Variants in HTR5A observed in about 807,000 individuals in gnomAD.
HTR5A encodes the protein 5-HT-5.
Under a neutral mutation model 24.3 loss-of-function variants are expected in HTR5A, and 21 were observed. The ratio of observed to expected loss-of-function variants is 0.86; its 90% CI spans 0.61 to 1.24. HTR5A has a LOEUF of 1.24. Ranked by LOEUF, HTR5A falls within the 50% of genes most tolerant of loss-of-function variation. The pLI is 0.00. For synonymous variants in HTR5A, 260 were observed against 213.7 expected (o/e 1.22, Z -1.89); for missense variants, 497 against 489.5 (o/e 1.02, Z -0.15).
intron 1 of HTR5A, among the ~76,000 whole-genome samples, chr7:155,081,001 T>C (rs536398752): frequency 6.6e-6 from 1 of 152,346 alleles, no homozygotes; most frequent in African/African-American, 2.4e-5. Context: ...GCATCATCCT[T>C]GATTGACTGA....
rs76748974 is a variant in HTR5A, at chr7:155,080,773, A to G, written c.742-3382A>G. 5.0e-3 allele frequency among the ~76,000 whole-genome samples: 756 copies of G among 152,266 alleles called. 7 individuals carry two copies. Among genetic ancestry groups the G allele is most frequent in the African/African-American group, 0.017 (726 of 41,564 alleles). On this transcript the variant is annotated intron_variant, in intron 1 of 1. Coordinates refer to ENST00000287907, the MANE Select transcript of HTR5A (RefSeq NM_024012.4). ...AGCTGCAGAACGGAGTTTACTCAGA[A>G]TGAGGCTTTCTGTTGGATGGGGTTT...
chr7:155,071,645 GT>G lies in HTR5A; in HGVS notation c.741+6del. The G allele has an allele frequency of 6.2e-7, 1 of 1,612,428 alleles. No homozygotes were observed. Among genetic ancestry groups the G allele is most frequent in the Non-Finnish European group, 8.5e-7 (1 of 1,179,266 alleles). Reference sequence around the variant, plus strand: ...CCCATATCCGAAGCTGTGGAGGTGGGTATCTCAGCAATCCTTAAAAATACTC... The same window carrying G: ...CCCATATCCGAAGCTGTGGAGGTGGGATCTCAGCAATCCTTAAAAATACTC... On this transcript the variant is annotated splice_donor_region_variant and intron_variant, in intron 1 of 1. Coordinates refer to ENST00000287907, the MANE Select transcript of HTR5A (RefSeq NM_024012.4).
chr7:155,075,380 G>A (rs1053355619), intron 1 of HTR5A, among the ~76,000 whole-genome samples: 1 of 152,230 alleles, frequency 6.6e-6, no homozygotes, highest in Non-Finnish European at 1.5e-5. Flanking sequence ...TGAATCATCT[G>A]TCAGGACAGA....
At chr7:155,078,123 C>G (rs1795377688) in intron 1 of HTR5A, among the ~76,000 whole-genome samples, 2 of 152,080 alleles carry the variant, frequency 1.3e-5, no homozygotes, top group South Asian at 4.2e-4. Flanking sequence ...TTAATATATA[C>G]AGGGATCCTT....
intron 1 of HTR5A, among the ~76,000 whole-genome samples, chr7:155,075,715 C>T (rs1795352460): frequency 6.6e-6 from 1 of 152,152 alleles, no homozygotes; most frequent in South Asian, 2.1e-4. Context: ...GTAAACTCTT[C>T]CATGACTGGC....
intron 1 of HTR5A, among the ~76,000 whole-genome samples, chr7:155,073,865 G>GTGTGTGTA (rs1554519604): frequency 1.7e-5 from 1 of 57,312 alleles, no homozygotes; most frequent in Non-Finnish European, 3.2e-5. Flanking sequence ...GTGTGTGTGT[G>GTGTGTGTA]TATATATATA....
chr7:155,071,813 A>G (rs1017200204), intron 1 of HTR5A, among the ~76,000 whole-genome samples, 173 bp downstream of exon 1: 2 of 152,164 alleles, frequency 1.3e-5, no homozygotes, highest in Non-Finnish European at 2.9e-5. Flanking sequence ...TTGCTCTGAC[A>G]TGTTCCCTCT....
intron 1 of HTR5A, among the ~76,000 whole-genome samples, chr7:155,083,746 A>G (rs1451618354): frequency 1.3e-5 from 2 of 152,182 alleles, no homozygotes; most frequent in Non-Finnish European, 1.5e-5. Context: ...TGAGCCCAGA[A>G]GGTTATAAAG....
In HTR5A at chr7:155,071,647, A is replaced by G. The variant is rs201200511; in HGVS notation, c.741+7A>G. On this transcript the variant is annotated splice_region_variant and intron_variant, in intron 1 of 1. Coordinates refer to ENST00000287907, the MANE Select transcript of HTR5A (RefSeq NM_024012.4). ...CATATCCGAAGCTGTGGAGGTGGGT[A>G]TCTCAGCAATCCTTAAAAATACTCG... 1.1e-5 allele frequency: 17 copies of G among 1,611,992 alleles called. No individual in the cohort carries two copies. Among genetic ancestry groups the G allele is most frequent in the Non-Finnish European group, 1.4e-5 (16 of 1,179,162 alleles).
intron 1 of HTR5A, among the ~76,000 whole-genome samples, chr7:155,083,894 C>A (rs766376761): frequency 4.6e-5 from 7 of 152,162 alleles, no homozygotes; most frequent in Non-Finnish European, 7.4e-5. Context: ...GTTGAACAGA[C>A]AGCAATAGGG....
At position 155,079,320 on chromosome 7, in the gene HTR5A, T is replaced by A. The variant is rs533029564; in HGVS notation, c.742-4835T>A. 3.9e-5 allele frequency among the ~76,000 whole-genome samples: 6 copies of A among 152,300 alleles called. 1 individual carries two copies. The highest frequency in any genetic ancestry group is 2.6e-4 in the Admixed American group (4 of 15,294). On this transcript the variant is annotated intron_variant, in intron 1 of 1. Coordinates refer to ENST00000287907, the MANE Select transcript of HTR5A (RefSeq NM_024012.4). ...TTTAATTAAATTCTATAAATCTGATTTTTCTTCTGGTAATTTTATAATGTG... is the reference window on the plus strand; with the variant it reads ...TTTAATTAAATTCTATAAATCTGATATTTCTTCTGGTAATTTTATAATGTG...
In HTR5A at chr7:155,070,959, C is replaced by A. The variant is rs763878149; in HGVS notation, c.60C>A (p.Thr20=). 3.1e-6 allele frequency: 5 copies of A among 1,610,524 alleles called. No individual in the cohort carries two copies. Among genetic ancestry groups the A allele is most frequent in the South Asian group, 2.2e-5 (2 of 91,088 alleles). ...FSLSTPSPLE[T]NHSLGKDDLR... Reference sequence around the variant, plus strand: ...TCTCCACCCCCTCCCCTTTGGAGACCAACCACAGCCTCGGCAAAGACGACC... The same window carrying A: ...TCTCCACCCCCTCCCCTTTGGAGACAAACCACAGCCTCGGCAAAGACGACC... Residue 20 remains threonine (T), a synonymous_variant, in exon 1 of 2, where the codon ACC becomes ACA. Transcript: ENST00000287907.
intron 1 of HTR5A, among the ~76,000 whole-genome samples, chr7:155,081,432 TC>T (rs1795416940): frequency 6.6e-6 from 1 of 152,184 alleles, no homozygotes; most frequent in African/African-American, 2.4e-5. Context: ...TATGTACCTG[TC>T]CCCAAAGAAT....
rs267601434 is a variant in HTR5A at position 155,071,163 on chromosome 7, G to A, written c.264G>A (p.Leu88=). The A allele has an allele frequency of 6.2e-7, 1 of 1,603,384 alleles. No individual in the cohort carries two copies. The highest frequency in any genetic ancestry group is 8.5e-7 in the Non-Finnish European group (1 of 1,179,876). ...CATCCATGGCCGTCTCGGATGTCCT[G>A]GTGGCCGCGCTGGTCATGCCGCTGA... ...LVASMAVSDV[L]VAALVMPLSL... Residue 88 remains leucine, a synonymous_variant, in exon 1 of 2, where the codon CTG becomes CTA. Transcript: ENST00000287907.
At chr7:155,071,707 C>T in intron 1 of HTR5A, 67 bp downstream of exon 1, 6 of 1,505,356 alleles carry the variant, frequency 4.0e-6, no homozygotes, top group East Asian at 2.3e-5. Context: ...CCCAGGCCAC[C>T]TGCCCCACCC....
Position 155,071,488 on chromosome 7 carries a change from G to C in HTR5A, c.589G>C (p.Glu197Gln). The change falls in exon 1 of 2, where the codon GAG becomes CAG. Residue 197 changes from glutamate to glutamine, a missense_variant. Glu to Gln is a conservative substitution (Grantham distance 29). Coordinates refer to ENST00000287907, the MANE Select transcript of HTR5A (RefSeq NM_024012.4). ...CAGCGAGGAGTGCCAGGTAAGCCGCGAGCCTTCCTACGCCGTGTTCTCCAC... is the reference window on the plus strand; with the variant it reads ...CAGCGAGGAGTGCCAGGTAAGCCGCCAGCCTTCCTACGCCGTGTTCTCCAC... ...EGSEECQVSR[E>Q]PSYAVFSTVG... The C allele has an allele frequency of 6.2e-7, 1 of 1,614,182 alleles. No individual in the cohort carries two copies. Among genetic ancestry groups the C allele is most frequent in the Non-Finnish European group, 8.5e-7 (1 of 1,180,036 alleles).
intron 1 of HTR5A, among the ~76,000 whole-genome samples, chr7:155,073,622 G>A (rs1275022645): frequency 6.6e-6 from 1 of 151,600 alleles, no homozygotes. Context: ...CACCTCCAAG[G>A]GCCCTCCTTT....
rs76276913 is a variant in HTR5A at position 155,075,402 on chromosome 7, G to A, written c.741+3762G>A. 5.7e-3 allele frequency among the ~76,000 whole-genome samples: 870 copies of A among 152,316 alleles called. 7 individuals are homozygous for A. Among genetic ancestry groups the A allele is most frequent in the Non-Finnish European group, 8.7e-3 (593 of 68,028 alleles). On this transcript the variant is annotated intron_variant, in intron 1 of 1. Coordinates refer to ENST00000287907, the MANE Select transcript of HTR5A (RefSeq NM_024012.4). Reference sequence around the variant, plus strand: ...TCTGTCAGGACAGAGCTCTGCAGAAGCATGTAAAGTTCCGAACAACAGATG... The same window carrying A: ...TCTGTCAGGACAGAGCTCTGCAGAAACATGTAAAGTTCCGAACAACAGATG...
intron 1 of HTR5A, among the ~76,000 whole-genome samples, chr7:155,075,163 C>T (rs961498314): frequency 6.6e-6 from 1 of 152,210 alleles, no homozygotes; most frequent in African/African-American, 2.4e-5. Context: ...AGCACTCAGT[C>T]TTTTCCTAAG....
Sources: gnomAD v4.1 joint callset for allele counts (sites outside exome capture counted in the v4.1 genomes callset) on GRCh38, gnomAD v4.1.1 for gene constraint, MANE v1.5 for transcripts, NCBI Gene and HGNC (gene_info 2026-07-23, HGNC 2026-07-21) for gene names.